Variants in NKD1 observed in about 807,000 individuals in gnomAD.
The protein encoded by NKD1 is protein naked cuticle homolog 1.
Under a neutral mutation model 56.0 loss-of-function variants are expected in NKD1, and 21 were observed. The ratio of observed to expected loss-of-function variants is 0.38; its 90% CI spans 0.27 to 0.54. The LOEUF (loss-of-function observed/expected upper bound fraction) is 0.54. Among genes scored for constraint, NKD1 ranks in the 20% least tolerant of loss-of-function variants. NKD1 has a pLI of 0.82. For synonymous variants in NKD1, 263 were observed against 265.7 expected (o/e 0.99, Z 0.10); for missense variants, 578 against 642.7 (o/e 0.90, Z 1.09).
chr16:50,608,357 G>C lies in NKD1; in HGVS notation c.256G>C (p.Glu86Gln). 2 of 1,610,980 alleles carry C rather than the reference G, an allele frequency of 1.2e-6. No individual in the cohort carries two copies. The highest frequency in any genetic ancestry group is 2.2e-5 in the East Asian group (1 of 44,864). ...GGAAGAGGAGGACGACTTTCGGCTG[G>C]AAGGTATTCGGAGTCCATTGCTCTC... ...SEEEEDDFRL[E>Q]VALPPEKTDG... The change falls in exon 4 of 10, where the codon GAA (glutamate) becomes CAA (glutamine). Residue 86 changes from glutamate (E) to glutamine (Q), a missense_variant. Transcript: ENST00000268459.
At chr16:50,616,130 G>A (rs1961955055) in intron 4 of NKD1, 1 of 454,146 alleles carries the variant, frequency 2.2e-6, no homozygotes, top group Non-Finnish European at 4.4e-6. Context: ...ATCTGTACGT[G>A]GACGATTGAG....
intron 4 of NKD1, among the ~76,000 whole-genome samples, chr16:50,609,962 A>G (rs1345196567): frequency 6.6e-6 from 1 of 152,210 alleles, no homozygotes; most frequent in East Asian, 1.9e-4. Context: ...AGGCCTAGAC[A>G]GATGATAACC....
At chr16:50,572,345 A>G (rs61114483) in intron 3 of NKD1, among the ~76,000 whole-genome samples, 12,020 of 152,266 alleles carry the variant, frequency 0.079, 748 homozygotes, top group African/African-American at 0.17. Context: ...CTGGGGCTCC[A>G]CAGCCTTGCA....
intron 3 of NKD1, among the ~76,000 whole-genome samples, chr16:50,564,887 G>T (rs4785437): frequency 0.16 from 23,770 of 152,038 alleles, 3,421 homozygotes; most frequent in African/African-American, 0.38. Flanking sequence ...GGAAGCCTCC[G>T]CCCACCTCCA....
intron 3 of NKD1, among the ~76,000 whole-genome samples, chr16:50,584,876 G>T (rs1366546487): frequency 6.6e-6 from 1 of 152,202 alleles, no homozygotes; most frequent in African/African-American, 2.4e-5. Context: ...TAGCACCTGT[G>T]TATCTGAGGG....
intron 3 of NKD1, among the ~76,000 whole-genome samples, chr16:50,590,113 GGGATTACA>G: frequency 6.6e-6 from 1 of 152,190 alleles, no homozygotes; most frequent in South Asian, 2.1e-4. Context: ...CCAAAGTGCT[GGGATTACA>G]GGAATGAGCC....
Position 50,639,245 on chromosome 16 carries a change from C to T in NKD1, c.*5464C>T, listed in dbSNP as rs1246530484. The T allele has an allele frequency of 2.0e-5, 3 of 151,968 alleles. No homozygotes were observed. The highest frequency in any genetic ancestry group is 7.3e-5 in the African/African-American group (3 of 41,356). The allele number at this position is 151,968 out of a possible 1,614,324, so 9.4% of individuals were successfully genotyped here. On this transcript the variant is annotated 3_prime_UTR_variant, in exon 10 of 10. Coordinates refer to ENST00000268459, the MANE Select transcript of NKD1 (RefSeq NM_033119.5). The stretch of plus-strand genomic sequence containing the variant: ...TTCCCCCAAATGACCTCAGAGGGCC[C>T]GATTTGAGGGAAATGCCTAACTTCA...
intron 3 of NKD1, among the ~76,000 whole-genome samples, chr16:50,586,253 T>TACCAGC (rs1354997059): frequency 6.6e-6 from 1 of 152,146 alleles, no homozygotes; most frequent in African/African-American, 2.4e-5. Context: ...CACTTGTAGA[T>TACCAGC]ACCAGCACGT....
At position 50,638,743 on chromosome 16, in the gene NKD1, A is replaced by G. The variant is rs888577083; in HGVS notation, c.*4962A>G. On this transcript the variant is annotated 3_prime_UTR_variant, in exon 10 of 10. Coordinates refer to ENST00000268459, the MANE Select transcript of NKD1 (RefSeq NM_033119.5). ...TATTTCCCTACAAAGGGCTTTCTAT[A>G]CCTAGCATCTGCCTCCAGCATGAGA... is the stretch of plus-strand genomic sequence containing the variant. 1.3e-5 allele frequency: 2 copies of G among 152,152 alleles called. No individual in the cohort carries two copies. The highest frequency in any genetic ancestry group is 4.8e-5 in the African/African-American group (2 of 41,408). 9.4% of individuals were successfully genotyped at this position (152,152 alleles called of 1,614,324 possible).
At chr16:50,610,283 T>C (rs1054615327) in intron 4 of NKD1, among the ~76,000 whole-genome samples, 1 of 152,230 alleles carries the variant, frequency 6.6e-6, no homozygotes, top group Non-Finnish European at 1.5e-5. Context: ...AATAAGGCAG[T>C]AGGAGTGGAG....
At position 50,548,438 on chromosome 16, in the gene NKD1, G is replaced by T. The variant is rs1326005298; in HGVS notation, c.-116G>T. ...GGCGGCAGGAGCGCGTCCCGGCGCCGCCTCGGGCTCCGCTCGGCTCGGGGG... is the reference window on the plus strand; with the variant it reads ...GGCGGCAGGAGCGCGTCCCGGCGCCTCCTCGGGCTCCGCTCGGCTCGGGGG... On this transcript the variant is annotated 5_prime_UTR_variant, in exon 1 of 10. Transcript: ENST00000268459. 5.0e-6 allele frequency: 2 copies of T among 397,150 alleles called. No individual in the cohort carries two copies. The highest frequency in any genetic ancestry group is 6.9e-6 in the Non-Finnish European group (2 of 289,050). 24.6% of individuals were successfully genotyped at this position (397,150 alleles called of 1,614,324 possible).
At position 50,617,203 on chromosome 16, in the gene NKD1, G is replaced by A. The variant is rs561309722; in HGVS notation, c.260-4399G>A. On this transcript the variant is annotated intron_variant, in intron 4 of 9. Transcript: ENST00000268459. The stretch of plus-strand genomic sequence containing the variant: ...CCTCCCATTGGGCCCATGGGGAGGC[G>A]GGAGGGGTGTCTAGACCCACAGTCA... Among the ~76,000 whole-genome samples, 4 of 152,204 alleles carry A rather than the reference G, an allele frequency of 2.6e-5. No homozygotes were observed. The South Asian group carries it at 6.2e-4, about 24-fold the overall frequency.
Position 50,548,705 on chromosome 16 carries a change from A to G in NKD1, c.26-12A>G, listed in dbSNP as rs948027969. ...CTGCCGCCGCCGCCGCCGCCTCGCG[A>G]TGTGCCTGCAGCCGCCGTGTGCAAG... On this transcript the variant is annotated splice_polypyrimidine_tract_variant and intron_variant, in intron 1 of 9. Transcript: ENST00000268459. 1.7e-5 allele frequency: 25 copies of G among 1,463,270 alleles called. No individual in the cohort carries two copies. Among genetic ancestry groups the G allele is most frequent in the Non-Finnish European group, 2.2e-5 (25 of 1,115,872 alleles). The allele number at this position is 1,463,270 out of a possible 1,614,324, so 90.6% of individuals were successfully genotyped here. A position where few individuals can be genotyped will look rare whatever the true frequency, so the allele number is the denominator to read the frequency against.
chr16:50,611,659 A>G (rs1040194545), intron 4 of NKD1, among the ~76,000 whole-genome samples: 5 of 152,146 alleles, frequency 3.3e-5, no homozygotes, highest in African/African-American at 7.2e-5. Context: ...CAGCTCTGCA[A>G]TGGTCCCTAA....
At chr16:50,594,131 G>A (rs1035122613) in intron 3 of NKD1, among the ~76,000 whole-genome samples, 4 of 151,992 alleles carry the variant, frequency 2.6e-5, no homozygotes, top group Non-Finnish European at 5.9e-5. Flanking sequence ...TCTGAAAGAT[G>A]GGGAGGGGGT....
At chr16:50,581,538 G>T (rs115736769) in intron 3 of NKD1, among the ~76,000 whole-genome samples, 1,759 of 152,326 alleles carry the variant, frequency 0.012, 35 homozygotes, top group African/African-American at 0.04. Flanking sequence ...GGCATCGAGG[G>T]CTTCCCAAAG....
At chr16:50,563,534 G>A (rs978629469) in intron 3 of NKD1, among the ~76,000 whole-genome samples, 2 of 148,656 alleles carry the variant, frequency 1.3e-5, no homozygotes, top group African/African-American at 5.0e-5. Flanking sequence ...ATCCTCAATG[G>A]GCACAGCCCT....
chr16:50,621,618 G>C lies in NKD1; in HGVS notation c.276G>C (p.Glu92Asp), dbSNP rs1962091213. 1 of 1,613,760 alleles carries C rather than the reference G, an allele frequency of 6.2e-7. No homozygotes were observed. The highest frequency in any genetic ancestry group is 8.5e-7 in the Non-Finnish European group (1 of 1,179,850). The stretch of plus-strand genomic sequence containing the variant: ...CCCCGACAGTGGCCCTGCCTCCTGA[G>C]AAGACTGACGGGCTGGGCAGCGGAG... Reference protein sequence around the residue: ...DFRLEVALPPEKTDGLGSGDE... With the variant: ...DFRLEVALPPDKTDGLGSGDE... The change falls in exon 5 of 10, where the codon GAG (glutamate) becomes GAC (aspartate). Residue 92 changes from glutamate to aspartate, a missense_variant. By Grantham distance (45) the Glu-to-Asp change is conservative. Coordinates refer to ENST00000268459, the MANE Select transcript of NKD1 (RefSeq NM_033119.5).
intron 3 of NKD1, among the ~76,000 whole-genome samples, chr16:50,554,798 T>C (rs1403869311): frequency 6.6e-6 from 1 of 152,098 alleles, no homozygotes; most frequent in Non-Finnish European, 1.5e-5. Context: ...CATTTTTATT[T>C]TTTATAGAGA....
Sources: gnomAD v4.1 joint callset for allele counts (sites outside exome capture counted in the v4.1 genomes callset) on GRCh38, gnomAD v4.1.1 for gene constraint, MANE v1.5 for transcripts, NCBI Gene and HGNC (gene_info 2026-07-23, HGNC 2026-07-21) for gene names.